UBE2F: variants seen among roughly 807,000 people sequenced by gnomAD.
The protein encoded by UBE2F is ubiquitin conjugating enzyme E2 F (putative).
Under a neutral mutation model 29.6 loss-of-function variants are expected in UBE2F, and 5 were observed. The ratio of observed to expected loss-of-function variants is 0.17; its 90% CI spans 0.09 to 0.36. The LOEUF (loss-of-function observed/expected upper bound fraction) is 0.36. Among genes scored for constraint, UBE2F ranks in the 10% least tolerant of loss-of-function variants. UBE2F has a pLI of 1.00. For synonymous variants in UBE2F, 66 were observed against 81.8 expected, an observed-to-expected ratio of 0.81 and a Z score of 1.04; for missense variants, 141 against 228.5, an observed-to-expected ratio of 0.62 and a Z score of 2.47.
chr2:238,017,672 T>C (rs1339398514), intron 5 of UBE2F, among the ~76,000 whole-genome samples: 2 of 152,214 alleles, frequency 1.3e-5, no homozygotes, highest in Non-Finnish European at 2.9e-5. Context: ...CAGTTCAGCA[T>C]GCTTGTCTTA....
intron 2 of UBE2F, among the ~76,000 whole-genome samples, chr2:237,974,501 GTTT>G (rs370519965): frequency 8.3e-5 from 9 of 108,572 alleles, no homozygotes; most frequent in East Asian, 3.0e-4. Flanking sequence ...AATTTTTGTG[GTTT>G]TTTTTTTTTT....
chr2:237,971,829 T>C (rs1240388653), intron 1 of UBE2F, among the ~76,000 whole-genome samples: 2 of 152,234 alleles, frequency 1.3e-5, no homozygotes, highest in African/African-American at 2.4e-5. Context: ...GTAACAAATG[T>C]ACCCTCTGGT....
At chr2:237,971,130 C>T (rs973836821) in intron 1 of UBE2F, among the ~76,000 whole-genome samples, 2 of 152,152 alleles carry the variant, frequency 1.3e-5, no homozygotes, top group Non-Finnish European at 2.9e-5. Context: ...TTTCAAATGC[C>T]AATGAGGAAC....
At chr2:237,976,110 A>G (rs962471229) in intron 2 of UBE2F, among the ~76,000 whole-genome samples, 5 of 152,184 alleles carry the variant, frequency 3.3e-5, no homozygotes, top group African/African-American at 1.2e-4. Flanking sequence ...TGGAGGCTTT[A>G]CCCTAAGAGG....
intron 2 of UBE2F, among the ~76,000 whole-genome samples, chr2:237,976,724 T>G (rs775600624): frequency 6.6e-6 from 1 of 152,168 alleles, no homozygotes; most frequent in Non-Finnish European, 1.5e-5. Context: ...CCCCACCTCT[T>G]AATACTACCA....
intron 4 of UBE2F, among the ~76,000 whole-genome samples, chr2:237,997,519 A>G (rs2063715310): frequency 1.3e-5 from 2 of 152,242 alleles, no homozygotes; most frequent in African/African-American, 2.4e-5. Flanking sequence ...TCCTCTTCAT[A>G]TTGAAAACAA....
At chr2:238,031,153 C>T (rs1004924118) in intron 7 of UBE2F, among the ~76,000 whole-genome samples, 3 of 152,230 alleles carry the variant, frequency 2.0e-5, no homozygotes, top group African/African-American at 7.2e-5. Flanking sequence ...GCTGTAGTCT[C>T]TGCCACCATG....
intron 4 of UBE2F, among the ~76,000 whole-genome samples, chr2:237,995,056 A>G (rs1225080966): frequency 3.3e-5 from 5 of 152,238 alleles, no homozygotes; most frequent in Admixed American, 3.3e-4. Context: ...ATGACAGCTG[A>G]GGCAGTTGGT....
intron 2 of UBE2F, among the ~76,000 whole-genome samples, chr2:237,974,078 C>T (rs1411503204): frequency 6.6e-6 from 1 of 152,114 alleles, no homozygotes; most frequent in Non-Finnish European, 1.5e-5. Flanking sequence ...ACTGCAACCT[C>T]CACCTCCTGG....
At chr2:238,012,791 C>T (rs866404953) in intron 4 of UBE2F, among the ~76,000 whole-genome samples, 3 of 152,256 alleles carry the variant, frequency 2.0e-5, no homozygotes, top group African/African-American at 7.2e-5. Context: ...GGCACCATGG[C>T]TGTTGTTTCT....
chr2:238,032,162 T>C, intron 7 of UBE2F, 60 bp from the exon 8 acceptor site: 5 of 1,378,228 alleles, frequency 3.6e-6, no homozygotes, highest in Non-Finnish European at 5.2e-6. Context: ...TGATCATGGG[T>C]TTAAAAGACT....
intron 4 of UBE2F, among the ~76,000 whole-genome samples, chr2:238,010,952 C>G (rs2064010079): frequency 6.6e-6 from 1 of 152,152 alleles, no homozygotes; most frequent in African/African-American, 2.4e-5. Flanking sequence ...GACTCCTTCT[C>G]TCCTCCCTCC....
chr2:238,013,202 C>T (rs1029216819), intron 4 of UBE2F, among the ~76,000 whole-genome samples: 1 of 152,074 alleles, frequency 6.6e-6, no homozygotes, highest in Non-Finnish European at 1.5e-5. Flanking sequence ...CCCTGGAGTT[C>T]GAGGCTGCAG....
chr2:237,976,889 GT>G (rs2063291612), intron 2 of UBE2F, among the ~76,000 whole-genome samples: 1 of 152,184 alleles, frequency 6.6e-6, no homozygotes, highest in African/African-American at 2.4e-5. Flanking sequence ...AACTTGCCCA[GT>G]TTGCGGGTTT....
At chr2:237,975,263 A>G (rs1320956122) in intron 2 of UBE2F, among the ~76,000 whole-genome samples, 2 of 151,862 alleles carry the variant, frequency 1.3e-5, no homozygotes, top group African/African-American at 4.8e-5. Flanking sequence ...CACCATGCTT[A>G]GCTAGTCTTT....
intron 2 of UBE2F, among the ~76,000 whole-genome samples, chr2:237,979,090 G>C (rs2063335266): frequency 4.6e-5 from 7 of 152,206 alleles, no homozygotes; most frequent in Admixed American, 4.6e-4. Flanking sequence ...AGGACCCTTT[G>C]CCTGTGTCAG....
At chr2:238,001,410 T>A (rs879571546) in intron 4 of UBE2F, among the ~76,000 whole-genome samples, 3 of 152,196 alleles carry the variant, frequency 2.0e-5, no homozygotes, top group Non-Finnish European at 2.9e-5. Flanking sequence ...TGTTTTTTTT[T>A]AAAGGGTTTT....
At chr2:238,033,200 T>C (rs576261705) in intron 8 of UBE2F, among the ~76,000 whole-genome samples, 2 of 152,380 alleles carry the variant, frequency 1.3e-5, no homozygotes, top group Non-Finnish European at 2.9e-5. Context: ...TTGTCAGTGA[T>C]GAGCTGCTGA....
intron 2 of UBE2F, among the ~76,000 whole-genome samples, chr2:237,981,718 T>G (rs1461266785): frequency 1.4e-5 from 2 of 142,432 alleles, no homozygotes; most frequent in Non-Finnish European, 3.0e-5. Flanking sequence ...CCTCTGCCTC[T>G]TGGGCTCAAG....
Sources: gnomAD v4.1 joint callset for allele counts (sites outside exome capture counted in the v4.1 genomes callset) on GRCh38, gnomAD v4.1.1 for gene constraint, MANE v1.5 for transcripts, NCBI Gene and HGNC (gene_info 2026-07-23, HGNC 2026-07-21) for gene names.